The following ECSIT variants were observed in gnomAD, a reference collection of about 807,000 sequenced individuals.
ECSIT encodes the protein ECSIT signaling integrator.
Under a neutral mutation model 36.8 loss-of-function variants are expected in ECSIT, and 29 were observed. The observed-to-expected ratio is 0.79, with a 90% CI of 0.59 to 1.08. The LOEUF (loss-of-function observed/expected upper bound fraction) is 1.08. ECSIT is among the 50% of genes least tolerant of loss of function. The pLI, the probability that ECSIT is intolerant of heterozygous loss-of-function variation, is 0.00. For missense variants in ECSIT, 542 were observed against 581.0 expected (o/e 0.93, Z 0.69); for synonymous variants, 231 against 234.8 (o/e 0.98, Z 0.15).
At chr19:11,507,223 G>A (rs138343934) in intron 7 of ECSIT, among the ~76,000 whole-genome samples, 6 of 151,764 alleles carry the variant, frequency 4.0e-5, no homozygotes, top group East Asian at 1.9e-4. Flanking sequence ...CCCAGAGGCC[G>A]CCCCTCATCC....
chr19:11,514,622 A>G (rs1264172237), intron 2 of ECSIT, among the ~76,000 whole-genome samples: 1 of 151,480 alleles, frequency 6.6e-6, no homozygotes, highest in African/African-American at 2.4e-5. Flanking sequence ...TCCTGGGCTC[A>G]AGCAATTCTC....
intron 2 of ECSIT, among the ~76,000 whole-genome samples, chr19:11,517,398 C>A (rs1972018923): frequency 6.6e-6 from 1 of 151,878 alleles, no homozygotes; most frequent in Non-Finnish European, 1.5e-5. Flanking sequence ...GAGTTTGAGA[C>A]CAGCCTGGCC....
chr19:11,513,538 G>GAGGA (rs34079154), intron 3 of ECSIT, among the ~76,000 whole-genome samples: 30,915 of 140,930 alleles, frequency 0.22, 8,091 homozygotes, highest in African/African-American at 0.65. Context: ...GAGAGAAAGA[G>GAGGA]AGGAAGGAAG....
Position 11,513,131 on chromosome 19 carries a change from C to G in ECSIT, c.663G>C (p.Gln221His). ...NPFPVPRDLPQDPVELAMFGL... is the reference protein window; with the variant it reads ...NPFPVPRDLPHDPVELAMFGL... ...CAAACATGGCCAGCTCCACAGGGTC[C>G]TGGGGCAGGTCCCGGGGCACTGGGA... Residue 221 changes from glutamine to histidine, a missense_variant, in exon 4 of 8, where the codon CAG (glutamine) becomes CAC (histidine). Gln to His is a conservative substitution (Grantham distance 24). Coordinates refer to ENST00000270517, the MANE Select transcript of ECSIT (RefSeq NM_016581.5). The G allele has an allele frequency of 2.5e-6, 4 of 1,614,202 alleles. No homozygotes were observed. The highest frequency in any genetic ancestry group is 3.4e-6 in the Non-Finnish European group (4 of 1,180,038).
chr19:11,514,504 CGGTTTTTTTTTGGGTTTTTTTTTTT>C (rs1971947289), intron 2 of ECSIT, among the ~76,000 whole-genome samples: 1 of 146,386 alleles, frequency 6.8e-6, no homozygotes, highest in Admixed American at 6.7e-5. Context: ...ACACACATGC[CGGTTTTTTTTTGGGTTTTTTTTTTT>C]GGTTTTTTTT....
In ECSIT at chr19:11,515,311, G is replaced by A. The variant is rs767522368; in HGVS notation, c.97-1090C>T. Among the ~76,000 whole-genome samples, 21 of 150,852 alleles carry A rather than the reference G, an allele frequency of 1.4e-4. No homozygotes were observed. In the East Asian group the frequency reaches 3.2e-3, roughly 23 times the overall value. ...GTAGAGACGGGGTTTCACTGTGTTA[G>A]TCAGGATGGTCTCGATCTCCTGACC... On this transcript the variant is annotated intron_variant, in intron 2 of 7. Coordinates refer to ENST00000270517, the MANE Select transcript of ECSIT (RefSeq NM_016581.5).
intron 1 of ECSIT, chr19:11,523,558 CT>C: frequency 9.4e-7 from 1 of 1,068,170 alleles, no homozygotes. Flanking sequence ...CTGCCAAAGC[CT>C]TAGACAAGCG....
intron 1 of ECSIT, chr19:11,525,844 G>A (rs1972205410): frequency 6.6e-6 from 1 of 151,696 alleles, no homozygotes; most frequent in Non-Finnish European, 1.5e-5. Context: ...GAACCTGGGA[G>A]GCAGAGCTTG....
intron 3 of ECSIT, 124 bp downstream of exon 3, chr19:11,513,680 G>A: frequency 8.4e-7 from 1 of 1,187,016 alleles, no homozygotes; most frequent in Non-Finnish European, 1.2e-6. Flanking sequence ...GGGATTCGGA[G>A]AGGGAGAAGA....
chr19:11,512,771 A>G (rs1971896535), intron 4 of ECSIT, among the ~76,000 whole-genome samples: 1 of 143,304 alleles, frequency 7.0e-6, no homozygotes, highest in Non-Finnish European at 1.5e-5. Flanking sequence ...CCTGTCTCTG[A>G]AAAAAAAAAA....
chr19:11,515,442 T>C (rs763288879), intron 2 of ECSIT, among the ~76,000 whole-genome samples: 5 of 151,636 alleles, frequency 3.3e-5, no homozygotes, highest in Non-Finnish European at 7.4e-5. Flanking sequence ...TGAGCCACTG[T>C]ACCCAGCCCC....
intron 4 of ECSIT, 131 bp downstream of exon 4, chr19:11,512,925 A>T: frequency 1.1e-6 from 1 of 926,666 alleles, no homozygotes; most frequent in Non-Finnish European, 1.7e-6. Flanking sequence ...CCTGGGCAAC[A>T]GAGCAAGACC....
At position 11,507,735 on chromosome 19, in the gene ECSIT, G is replaced by A; in HGVS notation, c.912C>T (p.Ile304=). The stretch of plus-strand genomic sequence containing the variant: ...CCGGGGGCAGCAAGTCAGCTCTGAG[G>A]ATGTGGTAATACACACACTTGTTGC... The part of the protein sequence containing the change: ...WLRNKCVYYH[I]LRADLLPPEE... The change falls in exon 6 of 8, where the codon ATC becomes ATT. Residue 304 remains isoleucine (I), a synonymous_variant. Transcript: ENST00000270517. 3 of 1,614,126 alleles carry A rather than the reference G, an allele frequency of 1.9e-6. No homozygotes were observed. Among genetic ancestry groups the A allele is most frequent in the Non-Finnish European group, 2.5e-6 (3 of 1,180,038 alleles).
intron 4 of ECSIT, among the ~76,000 whole-genome samples, chr19:11,508,382 G>GTTTTTTTTTTTTTTTTTTT (rs1418652426): frequency 8.6e-6 from 1 of 115,834 alleles, no homozygotes. Context: ...ACTTAATTCC[G>GTTTTTTTTTTTTTTTTTTT]ATTTTTTTTT....
At chr19:11,525,694 G>T (rs1209541829) in intron 1 of ECSIT, 1 of 150,710 alleles carries the variant, frequency 6.6e-6, no homozygotes, top group Non-Finnish European at 1.5e-5. Context: ...CTGAGGTCGG[G>T]AGTTCGAGAC....
intron 1 of ECSIT, among the ~76,000 whole-genome samples, chr19:11,526,962 C>T (rs1972228072): frequency 6.6e-6 from 1 of 152,032 alleles, no homozygotes. Context: ...TCAAGCAATC[C>T]ACCCATCTTG....
At chr19:11,524,024 A>G (rs1482139019) in intron 1 of ECSIT, among the ~76,000 whole-genome samples, 1 of 152,006 alleles carries the variant, frequency 6.6e-6, no homozygotes, top group Non-Finnish European at 1.5e-5. Context: ...AACTCAAGCA[A>G]TCCTCCCACC....
chr19:11,506,476 C>A, intron 7 of ECSIT, 48 bp from the exon 8 acceptor site: 2 of 1,560,626 alleles, frequency 1.3e-6, no homozygotes, highest in South Asian at 2.3e-5. Flanking sequence ...GGGGCTGCAG[C>A]GGCTAACCCA....
intron 4 of ECSIT, 31 bp downstream of exon 4, chr19:11,513,025 G>A (rs759643847): frequency 1.2e-6 from 2 of 1,604,664 alleles, no homozygotes; most frequent in Non-Finnish European, 1.7e-6. Context: ...GGCCTGGGGT[G>A]GCAGCTGACG....
Sources: gnomAD v4.1 joint callset for allele counts (sites outside exome capture counted in the v4.1 genomes callset) on GRCh38, gnomAD v4.1.1 for gene constraint, MANE v1.5 for transcripts, NCBI Gene and HGNC (gene_info 2026-07-23, HGNC 2026-07-21) for gene names.